The following KIAA1549L variants were observed in gnomAD, a reference collection of about 807,000 sequenced individuals.
KIAA1549L encodes the protein KIAA1549 like.
KIAA1549L carries 88 observed loss-of-function variants against 160.7 expected under a neutral mutation model. The observed-to-expected ratio is 0.55, with a 90% CI of 0.46 to 0.65. The LOEUF (loss-of-function observed/expected upper bound fraction) is 0.65. Ranked by LOEUF, KIAA1549L falls within the 30% of genes least tolerant of loss-of-function variation. The pLI, the probability that KIAA1549L is intolerant of heterozygous loss-of-function variation, is 0.00. For missense variants in KIAA1549L, 2,258 were observed against 2,437.5 expected (o/e 0.93, Z 1.55); for synonymous variants, 950 against 976.7 (o/e 0.97, Z 0.51).
intron 1 of KIAA1549L, among the ~76,000 whole-genome samples, chr11:33,458,049 C>T (rs906765413): frequency 1.4e-4 from 22 of 152,256 alleles, no homozygotes; most frequent in South Asian, 8.3e-4. Flanking sequence ...CCAGTGTGCA[C>T]GCTCTGAGGC....
At chr11:33,566,965 G>C (rs1177930484) in intron 8 of KIAA1549L, among the ~76,000 whole-genome samples, 2 of 152,220 alleles carry the variant, frequency 1.3e-5, no homozygotes, top group Non-Finnish European at 2.9e-5. Flanking sequence ...GTGTTTGAAG[G>C]CAGCCTTTGT....
In KIAA1549L at chr11:33,645,768, G is replaced by T; in HGVS notation, c.5492G>T (p.Gly1831Val). 6.2e-7 allele frequency: 1 copy of T among 1,613,894 alleles called. No individual in the cohort carries two copies. The highest frequency in any genetic ancestry group is 8.5e-7 in the Non-Finnish European group (1 of 1,179,854). The change falls in exon 17 of 21, where the codon GGC (glycine) becomes GTC (valine). Residue 1831 changes from glycine (G) to valine (V), a missense_variant. Gly to Val is a moderately radical substitution (Grantham distance 109, BLOSUM62 -3). Around this residue, in one of 6 missense-constraint regions of KIAA1549L, gnomAD observed 1,359 missense variants for 1,546.6 expected, o/e 0.88. Coordinates refer to ENST00000658780, the MANE Select transcript of KIAA1549L (RefSeq NM_012194.3). ...RGYSRSRQVK[G>V]HSETSTLSSQ... ...TATTCCAGGTCTCGACAGGTGAAAG[G>T]CCACTCGGAGACCTCCACACTGAGC... is the stretch of plus-strand genomic sequence containing the variant.
chr11:33,661,622 G>A (rs1852262707), intron 20 of KIAA1549L, among the ~76,000 whole-genome samples: 1 of 152,190 alleles, frequency 6.6e-6, no homozygotes, highest in African/African-American at 2.4e-5. Context: ...GCTTATGCCT[G>A]TAATCCCACC....
intron 1 of KIAA1549L, among the ~76,000 whole-genome samples, chr11:33,379,010 G>A (rs925600541): frequency 6.6e-6 from 1 of 152,136 alleles, no homozygotes; most frequent in African/African-American, 2.4e-5. Context: ...ACCTAGTTTG[G>A]AACTTTTTCT....
chr11:33,548,918 T>C (rs1234095247), intron 4 of KIAA1549L, among the ~76,000 whole-genome samples: 1 of 152,196 alleles, frequency 6.6e-6, no homozygotes, highest in Non-Finnish European at 1.5e-5. Context: ...ACATACTTTA[T>C]TGATCATTGT....
At chr11:33,408,443 C>T (rs189655878) in intron 1 of KIAA1549L, among the ~76,000 whole-genome samples, 13 of 149,654 alleles carry the variant, frequency 8.7e-5, no homozygotes, top group Admixed American at 2.0e-4. Flanking sequence ...TTTTATATGG[C>T]GCTCTCCATA....
At chr11:33,664,347 C>T (rs1258499811) in intron 20 of KIAA1549L, among the ~76,000 whole-genome samples, 1 of 32 alleles carries the variant, frequency 0.031, no homozygotes, top group Non-Finnish European at 0.05. Flanking sequence ...CCATCCGTGG[C>T]TCCCAGCCAG....
chr11:33,445,750 A>G (rs962441057), intron 1 of KIAA1549L, among the ~76,000 whole-genome samples: 2 of 152,208 alleles, frequency 1.3e-5, no homozygotes, highest in African/African-American at 4.8e-5. Flanking sequence ...CCTGTTTCAT[A>G]GGACTGAATA....
intron 1 of KIAA1549L, among the ~76,000 whole-genome samples, chr11:33,410,941 A>T (rs564290082): frequency 6.6e-6 from 1 of 152,318 alleles, no homozygotes; most frequent in African/African-American, 2.4e-5. Flanking sequence ...GCAAAGAGGT[A>T]CAAGTGAGTA....
intron 1 of KIAA1549L, among the ~76,000 whole-genome samples, chr11:33,433,343 G>C (rs1279537100): frequency 6.6e-6 from 1 of 152,170 alleles, no homozygotes; most frequent in African/African-American, 2.4e-5. Flanking sequence ...GTGAAAAAAG[G>C]CTCAACGTCA....
At chr11:33,666,748 T>C (rs1168015476) in intron 20 of KIAA1549L, among the ~76,000 whole-genome samples, 6 of 152,202 alleles carry the variant, frequency 3.9e-5, no homozygotes, top group African/African-American at 9.6e-5. Flanking sequence ...TAAAATCATA[T>C]CCCAGATCCA....
intron 1 of KIAA1549L, among the ~76,000 whole-genome samples, chr11:33,395,588 T>G (rs1850357906): frequency 6.6e-6 from 1 of 152,128 alleles, no homozygotes; most frequent in Non-Finnish European, 1.5e-5. Flanking sequence ...TTCCTTAGGT[T>G]TTTGGAGAAC....
At chr11:33,656,154 G>A (rs1350808721) in intron 18 of KIAA1549L, 45 bp downstream of exon 18, 1 of 1,475,388 alleles carries the variant, frequency 6.8e-7, no homozygotes, top group East Asian at 2.3e-5. Flanking sequence ...TTTGGAAAAG[G>A]GTCAGTCCTA....
chr11:33,459,083 T>G (rs1338287942), intron 1 of KIAA1549L, among the ~76,000 whole-genome samples: 1 of 152,226 alleles, frequency 6.6e-6, no homozygotes, highest in African/African-American at 2.4e-5. Context: ...TGAGATGGGC[T>G]TTGTTGATGG....
chr11:33,442,417 T>G (rs1248003996), intron 1 of KIAA1549L, among the ~76,000 whole-genome samples: 1 of 152,168 alleles, frequency 6.6e-6, no homozygotes. Context: ...CTTTTTTGGT[T>G]CCATATGAAC....
chr11:33,658,256 G>T (rs942727034), intron 18 of KIAA1549L, among the ~76,000 whole-genome samples: 1 of 152,068 alleles, frequency 6.6e-6, no homozygotes, highest in African/African-American at 2.4e-5. Context: ...TCTTGGGCTT[G>T]GTGCTTCCTG....
intron 16 of KIAA1549L, among the ~76,000 whole-genome samples, chr11:33,624,220 A>G (rs1031172040): frequency 4.6e-5 from 7 of 152,208 alleles, no homozygotes; most frequent in Non-Finnish European, 8.8e-5. Flanking sequence ...TGGACCAGTC[A>G]TTGGATGTCC....
At position 33,580,729 on chromosome 11, in the gene KIAA1549L, A is replaced by T. The variant is rs576912697; in HGVS notation, c.4403-2609A>T. On this transcript the variant is annotated intron_variant, in intron 10 of 20. Transcript: ENST00000658780. The stretch of plus-strand genomic sequence containing the variant: ...GGGCACTGCTCTGGGCACTGGAGAT[A>T]GAGCAGTGAATGAAGTGGACAAAAA... Among the ~76,000 whole-genome samples the T allele has an allele frequency of 2.4e-4, 37 of 152,328 alleles. 2 individuals carry two copies. The South Asian group carries it at 7.5e-3, about 31-fold the overall frequency.
chr11:33,557,605 G>A (rs934713203), intron 6 of KIAA1549L, among the ~76,000 whole-genome samples: 1 of 152,098 alleles, frequency 6.6e-6, no homozygotes, highest in Non-Finnish European at 1.5e-5. Flanking sequence ...ATTAAAAAGG[G>A]ACCAGTTATG....
Sources: gnomAD v4.1 joint callset for allele counts (sites outside exome capture counted in the v4.1 genomes callset) on GRCh38, gnomAD v4.1.1 for gene constraint, gnomAD v4.1.1 regional missense constraint, MANE v1.5 for transcripts, NCBI Gene and HGNC (gene_info 2026-07-23, HGNC 2026-07-21) for gene names.